SIPA1L1: variants seen among roughly 807,000 people sequenced by gnomAD.
The protein encoded by SIPA1L1 is signal induced proliferation associated 1 like 1, also known as signal-induced proliferation-associated 1-like protein 1.
A neutral mutation model predicts 162.7 loss-of-function variants in SIPA1L1; 26 were observed. The observed-to-expected ratio is 0.16, with a 90% CI of 0.12 to 0.22. The LOEUF (loss-of-function observed/expected upper bound fraction) is 0.22. Among genes scored for constraint, SIPA1L1 ranks in the 10% least tolerant of loss-of-function variants. The pLI, the probability that SIPA1L1 is intolerant of heterozygous loss-of-function variation, is 1.00. For synonymous variants in SIPA1L1, 829 were observed against 837.4 expected, an observed-to-expected ratio of 0.99 and a Z score of 0.17; for missense variants, 1,874 against 2,241.0, an observed-to-expected ratio of 0.84 and a Z score of 3.31.
intron 2 of SIPA1L1, among the ~76,000 whole-genome samples, chr14:71,485,517 C>T (rs2048684057): frequency 6.6e-6 from 1 of 151,730 alleles, no homozygotes. Context: ...GTTACGTGCT[C>T]CTTATGAGAA....
chr14:71,351,780 CAATT>C (rs2036736081), intron 2 of SIPA1L1, among the ~76,000 whole-genome samples: 1 of 151,990 alleles, frequency 6.6e-6, no homozygotes, highest in African/African-American at 2.4e-5. Flanking sequence ...CATAATTAAA[CAATT>C]AAATTGGGCA....
intron 7 of SIPA1L1, among the ~76,000 whole-genome samples, chr14:71,628,894 C>A (rs2040297640): frequency 6.6e-6 from 1 of 152,174 alleles, no homozygotes; most frequent in South Asian, 2.1e-4. Flanking sequence ...AGCAAGGAAT[C>A]CCGCTGAGCA....
intron 3 of SIPA1L1, among the ~76,000 whole-genome samples, chr14:71,526,967 A>G (rs559818662): frequency 1.3e-5 from 2 of 152,096 alleles, no homozygotes; most frequent in Non-Finnish European, 2.9e-5. Flanking sequence ...TCCCATCAGC[A>G]TTGTGTGAGA....
intron 4 of SIPA1L1, among the ~76,000 whole-genome samples, chr14:71,575,677 C>T (rs1488454143): frequency 2.0e-5 from 3 of 152,110 alleles, no homozygotes; most frequent in African/African-American, 4.8e-5. Context: ...TTTAAATAGT[C>T]GATTCTATTG....
chr14:71,710,589 C>T (rs2082796344), intron 17 of SIPA1L1, among the ~76,000 whole-genome samples: 1 of 152,088 alleles, frequency 6.6e-6, no homozygotes, highest in Non-Finnish European at 1.5e-5. Context: ...GGGCAGATCA[C>T]TTGAGGTCAG....
chr14:71,507,449 AT>A (rs1218625333), intron 2 of SIPA1L1, among the ~76,000 whole-genome samples: 1 of 152,214 alleles, frequency 6.6e-6, no homozygotes, highest in African/African-American at 2.4e-5. Context: ...ACCTTAATCA[AT>A]TGATGTGTAG....
At chr14:71,324,750 T>G (rs765367055) in intron 2 of SIPA1L1, among the ~76,000 whole-genome samples, 65 of 152,260 alleles carry the variant, frequency 4.3e-4, no homozygotes, top group Non-Finnish European at 7.9e-4. Context: ...CTTCTCTTTT[T>G]AAACTCATTT....
At chr14:71,442,172 CAAAA>C (rs368432068) in intron 2 of SIPA1L1, among the ~76,000 whole-genome samples, 1,265 of 25,688 alleles carry the variant, frequency 0.049, 1 homozygote, top group Non-Finnish European at 0.086. Context: ...GACTCTGTCT[CAAAA>C]AAAAAAAAAA....
chr14:71,404,690 G>A (rs1228199916), intron 2 of SIPA1L1, among the ~76,000 whole-genome samples: 1 of 152,190 alleles, frequency 6.6e-6, no homozygotes, highest in Non-Finnish European at 1.5e-5. Context: ...TTTGTTACAG[G>A]CCTTGAATTA....
intron 4 of SIPA1L1, among the ~76,000 whole-genome samples, chr14:71,578,858 T>C (rs2033510234): frequency 6.6e-6 from 1 of 152,200 alleles, no homozygotes; most frequent in African/African-American, 2.4e-5. Context: ...ATGGGTCCCA[T>C]GGTGTTATTT....
chr14:71,429,481 A>G (rs187981079), intron 2 of SIPA1L1, among the ~76,000 whole-genome samples: 298 of 151,624 alleles, frequency 2.0e-3, no homozygotes, highest in African/African-American at 6.7e-3. Context: ...ATCCTTTTTA[A>G]CTGCTGCCTA....
At chr14:71,633,990 A>C (rs181190265) in intron 7 of SIPA1L1, among the ~76,000 whole-genome samples, 33 of 152,282 alleles carry the variant, frequency 2.2e-4, no homozygotes, top group African/African-American at 7.7e-4. Context: ...AGCAAATCCC[A>C]AACAGTATAA....
intron 4 of SIPA1L1, among the ~76,000 whole-genome samples, chr14:71,577,229 A>G (rs1478371560): frequency 6.6e-6 from 1 of 152,232 alleles, no homozygotes; most frequent in Non-Finnish European, 1.5e-5. Context: ...CACAGGATAT[A>G]GAAATTCATG....
Position 71,447,687 on chromosome 14 carries a change from C to G in SIPA1L1, c.-464-65056C>G, listed in dbSNP as rs192712884. Among the ~76,000 whole-genome samples, 177 of 151,564 alleles carry G rather than the reference C, an allele frequency of 1.2e-3. 2 individuals are homozygous for G. Among genetic ancestry groups the G allele is most frequent in the Non-Finnish European group, 5.0e-4 (34 of 67,928 alleles). ...TAAGTGATTTTTGTGCCTCAGGCTC[C>G]TAAGTAGCTGGGACTACAGGTGTGT... is the stretch of plus-strand genomic sequence containing the variant. On this transcript the variant is annotated intron_variant, in intron 2 of 23. Transcript: ENST00000381232.
intron 2 of SIPA1L1, among the ~76,000 whole-genome samples, chr14:71,451,731 A>G (rs1046250900): frequency 9.2e-5 from 14 of 152,216 alleles, no homozygotes; most frequent in Non-Finnish European, 2.9e-5. Flanking sequence ...TAGATTTTAA[A>G]TGTTCTCACC....
In SIPA1L1 at chr14:71,705,485, A is replaced by G. The variant is rs553185869; in HGVS notation, c.3765+145A>G. ...TGGTCGTTTGCTGCCATGGCCTTGCAGTTTCTGCTGCCATGGCCTTTAGAT... is the reference window on the plus strand; with the variant it reads ...TGGTCGTTTGCTGCCATGGCCTTGCGGTTTCTGCTGCCATGGCCTTTAGAT... On this transcript the variant is annotated intron_variant, in intron 16 of 23. Coordinates refer to ENST00000381232, the MANE Select transcript of SIPA1L1 (RefSeq NM_001386936.1). The G allele has an allele frequency of 9.1e-5, 63 of 690,328 alleles. No homozygotes were observed. The East Asian group carries it at 1.6e-3, about 17-fold the overall frequency. The allele number at this position is 690,328 out of a possible 1,614,324, so 42.8% of individuals were successfully genotyped here. A position where few individuals can be genotyped will look rare whatever the true frequency, so the allele number is the denominator to read the frequency against.
At chr14:71,593,505 C>G (rs140748311) in intron 5 of SIPA1L1, among the ~76,000 whole-genome samples, 92 of 152,224 alleles carry the variant, frequency 6.0e-4, no homozygotes, top group African/African-American at 2.2e-3. Context: ...GCCACCGTAC[C>G]TGGCCTTTTG....
At chr14:71,507,203 A>G (rs1444505061) in intron 2 of SIPA1L1, among the ~76,000 whole-genome samples, 1 of 152,102 alleles carries the variant, frequency 6.6e-6, no homozygotes, top group Non-Finnish European at 1.5e-5. Flanking sequence ...TTAACTGATC[A>G]TTTTTGTTAA....
intron 2 of SIPA1L1, among the ~76,000 whole-genome samples, chr14:71,504,278 A>AATGTGTAT (rs1202736307): frequency 1.3e-5 from 2 of 152,152 alleles, no homozygotes; most frequent in Admixed American, 1.3e-4. Context: ...AGTGCTGTGA[A>AATGTGTAT]ATGTGTATAT....
Sources: gnomAD v4.1 joint callset for allele counts (sites outside exome capture counted in the v4.1 genomes callset) on GRCh38, gnomAD v4.1.1 for gene constraint, MANE v1.5 for transcripts, NCBI Gene and HGNC (gene_info 2026-07-23, HGNC 2026-07-21) for gene names.